Variants in PIK3CA observed in about 807,000 individuals in gnomAD.
PIK3CA encodes the protein phosphatidylinositol-4,5-bisphosphate 3-kinase catalytic subunit alpha, also known as phosphatidylinositol 4,5-bisphosphate 3-kinase catalytic subunit alpha isoform.
A neutral mutation model predicts 138.2 loss-of-function variants in PIK3CA; 27 were observed. The ratio of observed to expected loss-of-function variants is 0.20; its 90% CI spans 0.14 to 0.27. PIK3CA has a LOEUF of 0.27. PIK3CA is among the 10% of genes least tolerant of loss of function. The probability of loss-of-function intolerance (pLI) is 1.00; values close to 1 mark genes in which losing one functional copy is unlikely to be tolerated. For synonymous variants in PIK3CA, 358 were observed against 413.2 expected, an observed-to-expected ratio of 0.87 and a Z score of 1.62; for missense variants, 544 against 1,277.4, an observed-to-expected ratio of 0.43 and a Z score of 8.75.
chr3:179,151,681 A>G (rs1723017368), intron 1 of PIK3CA, among the ~76,000 whole-genome samples: 1 of 152,274 alleles, frequency 6.6e-6, no homozygotes, highest in East Asian at 1.9e-4. Context: ...TTCTTTCTCT[A>G]GGTTTATTTC....
At chr3:179,213,826 G>A (rs912961025) in intron 9 of PIK3CA, among the ~76,000 whole-genome samples, 2 of 152,192 alleles carry the variant, frequency 1.3e-5, no homozygotes, top group South Asian at 4.1e-4. Flanking sequence ...AGTTTACATT[G>A]AAAATCTGTT....
In PIK3CA at chr3:179,238,594, T is replaced by C. The variant is rs941849529; in HGVS notation, c.*4230T>C. 49 of 221,378 alleles carry C rather than the reference T, an allele frequency of 2.2e-4. No individual in the cohort carries two copies. Among genetic ancestry groups the C allele is most frequent in the Middle Eastern group, 1.4e-3 (1 of 736 alleles). The allele number at this position is 221,378 out of a possible 1,614,324, so 13.7% of individuals were successfully genotyped here. A position where few individuals can be genotyped will look rare whatever the true frequency, so the allele number is the denominator to read the frequency against. ...ATAAAGTCAGAGTTGGCATGCCTTG[T>C]TTTTAATGATATGGAAGACCTTAAG... On this transcript the variant is annotated 3_prime_UTR_variant, in exon 21 of 21. Coordinates refer to ENST00000263967, the MANE Select transcript of PIK3CA (RefSeq NM_006218.4).
intron 1 of PIK3CA, among the ~76,000 whole-genome samples, chr3:179,182,663 C>A (rs1011423315): frequency 6.6e-6 from 1 of 151,492 alleles, no homozygotes; most frequent in Non-Finnish European, 1.5e-5. Context: ...TGAGAGAGAC[C>A]CTGTCTCAAA....
At chr3:179,216,035 C>T (rs767180570) in intron 9 of PIK3CA, among the ~76,000 whole-genome samples, 1 of 152,150 alleles carries the variant, frequency 6.6e-6, no homozygotes, top group Non-Finnish European at 1.5e-5. Context: ...TGTCTCCAGA[C>T]ATTAGCCAAG....
At chr3:179,188,340 G>C (rs1440441296) in intron 1 of PIK3CA, among the ~76,000 whole-genome samples, 1 of 152,132 alleles carries the variant, frequency 6.6e-6, no homozygotes, top group Non-Finnish European at 1.5e-5. Context: ...CTCTAATTCT[G>C]TCCACCTGTC....
intron 6 of PIK3CA, among the ~76,000 whole-genome samples, chr3:179,208,980 T>C (rs1724637255): frequency 7.0e-6 from 1 of 142,900 alleles, no homozygotes; most frequent in Non-Finnish European, 1.5e-5. Context: ...AAATTATATA[T>C]ATAAATATAT....
chr3:179,153,591 C>T (rs541559960), intron 1 of PIK3CA, among the ~76,000 whole-genome samples: 1 of 152,102 alleles, frequency 6.6e-6, no homozygotes, highest in Admixed American at 6.5e-5. Flanking sequence ...GACTTGGGTC[C>T]CTAGTATGTC....
At chr3:179,209,471 CCAAT>C (rs147054129) in intron 6 of PIK3CA, 120 bp from the exon 7 acceptor site, 7,341 of 540,572 alleles carry the variant, frequency 0.014, 366 homozygotes, top group South Asian at 0.12. Context: ...AGTGCCTTTT[CCAAT>C]CAATCTCTTT....
chr3:179,197,550 A>G (rs1027430310), intron 1 of PIK3CA, among the ~76,000 whole-genome samples: 1 of 152,218 alleles, frequency 6.6e-6, no homozygotes, highest in Non-Finnish European at 1.5e-5. Context: ...GGCCATGTCT[A>G]TCTTATTCGT....
intron 17 of PIK3CA, among the ~76,000 whole-genome samples, chr3:179,226,585 A>G (rs1322637044): frequency 6.6e-6 from 1 of 152,052 alleles, no homozygotes; most frequent in African/African-American, 2.4e-5. Flanking sequence ...TCTTTTTGCA[A>G]ATCCATAGTC....
At chr3:179,156,008 G>C (rs950998015) in intron 1 of PIK3CA, among the ~76,000 whole-genome samples, 1 of 152,182 alleles carries the variant, frequency 6.6e-6, no homozygotes, top group Non-Finnish European at 1.5e-5. Flanking sequence ...CAAATGCTGA[G>C]ATTCCTAGTA....
chr3:179,157,566 C>T (rs905195363), intron 1 of PIK3CA, among the ~76,000 whole-genome samples: 2 of 152,058 alleles, frequency 1.3e-5, no homozygotes, highest in African/African-American at 4.8e-5. Flanking sequence ...ATGTATCATG[C>T]TGTGGTCTTT....
At chr3:179,212,653 C>G in intron 9 of PIK3CA, among the ~76,000 whole-genome samples, 1 of 151,714 alleles carries the variant, frequency 6.6e-6, no homozygotes, top group East Asian at 2.0e-4. Flanking sequence ...GTTGCCTGGG[C>G]TGGTCTCGAA....
intron 6 of PIK3CA, among the ~76,000 whole-genome samples, chr3:179,208,322 A>C (rs1467417069): frequency 1.3e-5 from 2 of 152,240 alleles, no homozygotes; most frequent in African/African-American, 4.8e-5. Context: ...AGATTAGACC[A>C]GAATGATAAG....
chr3:179,190,314 C>CT (rs1724096117), intron 1 of PIK3CA, among the ~76,000 whole-genome samples: 1 of 150,766 alleles, frequency 6.6e-6, no homozygotes, highest in Non-Finnish European at 1.5e-5. Context: ...TGCACCCCCC[C>CT]CACCACCCCC....
At position 179,219,162 on chromosome 3, in the gene PIK3CA, G is replaced by A. The variant is rs1724908619; in HGVS notation, c.1665-34G>A. 2 of 1,310,492 alleles carry A rather than the reference G, an allele frequency of 1.5e-6. No homozygotes were observed. The highest frequency in any genetic ancestry group is 2.9e-5 in the African/African-American group (2 of 68,800). 81.2% of individuals were successfully genotyped at this position (1,310,492 alleles called of 1,614,324 possible). On this transcript the variant is annotated intron_variant, in intron 10 of 20. Coordinates refer to ENST00000263967, the MANE Select transcript of PIK3CA (RefSeq NM_006218.4). This position sits in a 1 kb window ranked among gnomAD's most constrained non-coding sequence, Gnocchi z 4.2. ...TGTCAACCTTTTGAACAGCATGCAA[G>A]AATGTTTATGTTTATTTTGTTTCTC...
intron 4 of PIK3CA, among the ~76,000 whole-genome samples, chr3:179,202,117 T>C (rs997293972): frequency 3.3e-5 from 5 of 152,194 alleles, no homozygotes; most frequent in African/African-American, 1.2e-4. Context: ...CAGGCTGGAA[T>C]GCAGTGGTAT....
chr3:179,169,603 T>G (rs1332832701), intron 1 of PIK3CA, among the ~76,000 whole-genome samples: 1 of 152,230 alleles, frequency 6.6e-6, no homozygotes, highest in Non-Finnish European at 1.5e-5. Context: ...GGTTTTTCCC[T>G]ATACAAAATT....
At chr3:179,170,055 T>C (rs890283226) in intron 1 of PIK3CA, among the ~76,000 whole-genome samples, 2 of 129,088 alleles carry the variant, frequency 1.5e-5, no homozygotes, top group African/African-American at 6.3e-5. Context: ...GACATGCACA[T>C]GCGCGTGCAC....
Sources: gnomAD v4.1 joint callset for allele counts (sites outside exome capture counted in the v4.1 genomes callset) on GRCh38, gnomAD v4.1.1 for gene constraint, Gnocchi (gnomAD v3.1) non-coding constraint, MANE v1.5 for transcripts, NCBI Gene and HGNC (gene_info 2026-07-23, HGNC 2026-07-21) for gene names.